The following CTNNA2 variants were observed in gnomAD, a reference collection of about 807,000 sequenced individuals.
CTNNA2 encodes the protein catenin alpha 2, also known as catenin alpha-2.
Under a neutral mutation model 101.0 loss-of-function variants are expected in CTNNA2, and 42 were observed. The observed-to-expected ratio is 0.42, with a 90% CI of 0.32 to 0.54. CTNNA2 has a LOEUF of 0.54. Among genes scored for constraint, CTNNA2 ranks in the 20% least tolerant of loss-of-function variants. The pLI is 0.14. For missense variants in CTNNA2, 871 were observed against 1,223.1 expected, an observed-to-expected ratio of 0.71 and a Z score of 4.29; for synonymous variants, 450 against 456.4, an observed-to-expected ratio of 0.99 and a Z score of 0.18.
chr2:80,214,526 T>G (rs938961818), intron 7 of CTNNA2, among the ~76,000 whole-genome samples: 1 of 152,200 alleles, frequency 6.6e-6, no homozygotes, highest in East Asian at 1.9e-4. Context: ...TCTTCAAGAA[T>G]GTTAAATGTT....
intron 1 of CTNNA2, among the ~76,000 whole-genome samples, chr2:79,546,941 A>T (rs1184595555): frequency 1.3e-5 from 2 of 152,006 alleles, no homozygotes; most frequent in Non-Finnish European, 2.9e-5. Flanking sequence ...CCTGCTCAAC[A>T]GTGCTTCCAG....
At chr2:79,690,718 G>C (rs111406110) in intron 2 of CTNNA2, among the ~76,000 whole-genome samples, 1,759 of 152,108 alleles carry the variant, frequency 0.012, 47 homozygotes, top group African/African-American at 0.041. Flanking sequence ...CAGAGAACAG[G>C]TGGTGGAGCG....
At chr2:80,035,670 G>A (rs540827820) in intron 7 of CTNNA2, among the ~76,000 whole-genome samples, 12 of 152,066 alleles carry the variant, frequency 7.9e-5, no homozygotes, top group Non-Finnish European at 1.8e-4. Context: ...CTGAAATCAA[G>A]TATCTTTAAA....
At chr2:79,982,046 G>GTTTTT (rs1370335672) in intron 7 of CTNNA2, among the ~76,000 whole-genome samples, 1 of 150,546 alleles carries the variant, frequency 6.6e-6, no homozygotes, top group Non-Finnish European at 1.5e-5. Context: ...TTTTGTTTTT[G>GTTTTT]TTTTTATTTT....
At chr2:79,692,806 A>G (rs2104709891) in intron 2 of CTNNA2, among the ~76,000 whole-genome samples, 1 of 146,078 alleles carries the variant, frequency 6.8e-6, no homozygotes, top group East Asian at 2.2e-4. Flanking sequence ...TCTCACTCAT[A>G]AGTAGGAGTT....
chr2:79,596,055 A>G (rs2104025186), intron 1 of CTNNA2, among the ~76,000 whole-genome samples: 1 of 151,550 alleles, frequency 6.6e-6, no homozygotes, highest in African/African-American at 2.4e-5. Context: ...CAATTGCTCT[A>G]TCTTGGGGAA....
At chr2:79,532,798 T>G (rs1214746255) in intron 1 of CTNNA2, among the ~76,000 whole-genome samples, 1 of 111,384 alleles carries the variant, frequency 9.0e-6, no homozygotes, top group East Asian at 2.5e-4. Context: ...TGCACCTGAT[T>G]AATTTTTGAA....
At chr2:80,004,838 GAC>G (rs1042242335) in intron 7 of CTNNA2, among the ~76,000 whole-genome samples, 2 of 152,110 alleles carry the variant, frequency 1.3e-5, no homozygotes, top group African/African-American at 4.8e-5. Flanking sequence ...AAGTAGCTGG[GAC>G]TATAGGTGCA....
At chr2:79,453,703 A>C (rs986618581) in intron 4 of CTNNA2, among the ~76,000 whole-genome samples, 2 of 152,134 alleles carry the variant, frequency 1.3e-5, no homozygotes, top group Non-Finnish European at 2.9e-5. Flanking sequence ...TAATCCAAAC[A>C]AGACTGAAGA....
At chr2:80,561,801 C>T (rs1172461830) in intron 12 of CTNNA2, among the ~76,000 whole-genome samples, 2 of 150,968 alleles carry the variant, frequency 1.3e-5, no homozygotes, top group Non-Finnish European at 2.9e-5. Flanking sequence ...GCTGTGATTA[C>T]AGGCGGTCGC....
At chr2:79,915,556 T>C (rs1686142934) in intron 7 of CTNNA2, among the ~76,000 whole-genome samples, 1 of 152,174 alleles carries the variant, frequency 6.6e-6, no homozygotes, top group African/African-American at 2.4e-5. Flanking sequence ...AAAAGATAAG[T>C]AGGGAAAACT....
chr2:80,312,094 A>T (rs1222003761), intron 7 of CTNNA2, among the ~76,000 whole-genome samples: 1 of 152,238 alleles, frequency 6.6e-6, no homozygotes, highest in East Asian at 1.9e-4. Context: ...CTTGTTCCTC[A>T]TTGCCACAAA....
chr2:80,106,493 G>A (rs1700897816), intron 7 of CTNNA2, among the ~76,000 whole-genome samples: 1 of 152,132 alleles, frequency 6.6e-6, no homozygotes, highest in Non-Finnish European at 1.5e-5. Flanking sequence ...AACAGAGGAT[G>A]GTTAACTCTG....
chr2:79,386,745 C>T (rs942076636), intron 4 of CTNNA2, among the ~76,000 whole-genome samples: 3 of 152,156 alleles, frequency 2.0e-5, no homozygotes, highest in Non-Finnish European at 4.4e-5. Flanking sequence ...AAATAATTCC[C>T]ACATGCATGC....
intron 9 of CTNNA2, among the ~76,000 whole-genome samples, chr2:80,454,754 G>A (rs764564822): frequency 1.3e-5 from 2 of 152,188 alleles, no homozygotes; most frequent in African/African-American, 4.8e-5. Flanking sequence ...CTCAGACAGC[G>A]TGTTGAGCTG....
intron 7 of CTNNA2, among the ~76,000 whole-genome samples, chr2:80,042,300 T>G (rs933017779): frequency 6.6e-6 from 1 of 152,220 alleles, no homozygotes; most frequent in Non-Finnish European, 1.5e-5. Context: ...CTGTTTTTGT[T>G]TGTTTATTTG....
chr2:79,606,834 A>C (rs1390961128), intron 1 of CTNNA2, among the ~76,000 whole-genome samples: 1 of 152,242 alleles, frequency 6.6e-6, no homozygotes, highest in Non-Finnish European at 1.5e-5. Context: ...ATGCAATTTA[A>C]AAAGTATTTA....
At chr2:79,439,677 G>C (rs1251066875) in intron 4 of CTNNA2, among the ~76,000 whole-genome samples, 1 of 152,122 alleles carries the variant, frequency 6.6e-6, no homozygotes, top group South Asian at 2.1e-4. Context: ...GATATTCTGG[G>C]TAATGCATTT....
At chr2:79,778,745 C>CT (rs1402675255) in intron 3 of CTNNA2, among the ~76,000 whole-genome samples, 2 of 151,990 alleles carry the variant, frequency 1.3e-5, no homozygotes, top group African/African-American at 4.8e-5. Flanking sequence ...TTCTCTCTCT[C>CT]CTCTCTCTTC....
Sources: allele counts gnomAD v4.1 joint callset (sites outside exome capture counted in the v4.1 genomes callset), GRCh38; gene constraint gnomAD v4.1.1; transcripts MANE v1.5; gene names NCBI Gene and HGNC (gene_info 2026-07-23, HGNC 2026-07-21).